Variants in MAN2A1 observed in about 807,000 individuals in gnomAD.
The protein encoded by MAN2A1 is alpha-mannosidase 2.
MAN2A1 carries 76 observed loss-of-function variants against 142.6 expected under a neutral mutation model. The observed-to-expected ratio is 0.53, with a 90% CI of 0.44 to 0.65. The LOEUF is 0.65. Ranked by LOEUF, MAN2A1 falls within the 30% of genes least tolerant of loss-of-function variation. MAN2A1 has a pLI of 0.00. For synonymous variants in MAN2A1, 559 were observed against 473.2 expected (o/e 1.18, Z -2.35); for missense variants, 1,311 against 1,365.1 (o/e 0.96, Z 0.62).
intron 1 of MAN2A1, among the ~76,000 whole-genome samples, chr5:109,691,121 C>T (rs1208034856): frequency 2.0e-5 from 3 of 152,008 alleles, no homozygotes; most frequent in African/African-American, 7.3e-5. Flanking sequence ...CGTCATTCTT[C>T]AGCTATTACA....
intron 21 of MAN2A1, 100 bp from the exon 22 acceptor site, chr5:109,866,746 T>C (rs1304245957): frequency 2.9e-6 from 2 of 690,190 alleles, no homozygotes; most frequent in Non-Finnish European, 4.8e-6. Context: ...TTCAACATAC[T>C]GTTTTATTCC....
chr5:109,743,032 C>G (rs186892163), intron 4 of MAN2A1, among the ~76,000 whole-genome samples: 1 of 152,330 alleles, frequency 6.6e-6, no homozygotes, highest in East Asian at 1.9e-4. Flanking sequence ...TGGATACTTT[C>G]TCAAGCCTCA....
intron 16 of MAN2A1, among the ~76,000 whole-genome samples, chr5:109,825,994 C>T (rs1754749113): frequency 6.7e-6 from 1 of 148,976 alleles, no homozygotes; most frequent in African/African-American, 2.5e-5. Context: ...GCAGCCTCTG[C>T]CCCACTGGTT....
At chr5:109,806,210 G>C (rs1174673284) in intron 12 of MAN2A1, among the ~76,000 whole-genome samples, 1 of 152,132 alleles carries the variant, frequency 6.6e-6, no homozygotes, top group East Asian at 1.9e-4. Context: ...CACCCTGACT[G>C]CCTTACCCAC....
chr5:109,793,620 G>A (rs189666146), intron 12 of MAN2A1, among the ~76,000 whole-genome samples: 103 of 152,216 alleles, frequency 6.8e-4, no homozygotes, highest in African/African-American at 2.4e-3. Flanking sequence ...TACAAATAAA[G>A]ATAAACCATA....
In MAN2A1 at chr5:109,716,219, G is replaced by C. The variant is rs754241341; in HGVS notation, c.490G>C (p.Glu164Gln). The change falls in exon 3 of 22, where the codon GAA becomes CAA. Residue 164 changes from glutamate to glutamine, a missense_variant. Transcript: ENST00000261483. ...TTATGAATCTAATGAATGGGACACT[G>C]AACCCCTTCAAGTCTTTGTGGTGCC... ...ITYESNEWDT[E>Q]PLQVFVVPHS... 1.2e-6 allele frequency: 2 copies of C among 1,610,860 alleles called. No individual in the cohort carries two copies. Among genetic ancestry groups the C allele is most frequent in the East Asian group, 4.5e-5 (2 of 44,764 alleles).
chr5:109,781,550 C>G lies in MAN2A1; in HGVS notation c.1529C>G (p.Ser510Cys). The G allele has an allele frequency of 6.2e-7, 1 of 1,611,682 alleles. No homozygotes were observed. The highest frequency in any genetic ancestry group is 1.1e-5 in the South Asian group (1 of 90,366). ...DDHYWSGYFT[S>C]RPFYKRMDRI... ...CATTACTGGAGTGGCTATTTTACAT[C>G]CAGACCCTTTTACAAACGAATGGAC... The change falls in exon 9 of 22, where the codon TCC becomes TGC. Residue 510 changes from serine to cysteine, a missense_variant. Ser to Cys is a moderately radical substitution (Grantham distance 112). Transcript: ENST00000261483.
chr5:109,842,675 GATTT>G (rs1016542696), intron 17 of MAN2A1, among the ~76,000 whole-genome samples: 1 of 127,356 alleles, frequency 7.9e-6, no homozygotes, highest in Admixed American at 7.7e-5. Flanking sequence ...TTTTTGTAAG[GATTT>G]ATTTGTTCAA....
chr5:109,696,375 A>G (rs1750812788), intron 1 of MAN2A1, among the ~76,000 whole-genome samples: 2 of 152,252 alleles, frequency 1.3e-5, no homozygotes, highest in Admixed American at 1.3e-4. Flanking sequence ...TTGGGATTAC[A>G]GGCGTGAGCC....
Position 109,820,334 on chromosome 5 carries a change from A to T in MAN2A1, c.2443A>T (p.Asn815Tyr). 1 of 1,612,694 alleles carries T rather than the reference A, an allele frequency of 6.2e-7. No individual in the cohort carries two copies. Among genetic ancestry groups the T allele is most frequent in the Non-Finnish European group, 8.5e-7 (1 of 1,179,356 alleles). The stretch of plus-strand genomic sequence containing the variant: ...TGCCTACCTCTTCTTACCTGATGGT[A>T]ATGCCAAGGTAAGTGGTACTGATGA... ...SGAYLFLPDG[N>Y]AKPYVYTTPP... The change falls in exon 15 of 22, where the codon AAT (asparagine) becomes TAT (tyrosine). Residue 815 changes from asparagine to tyrosine, a missense_variant. Asn to Tyr is a moderately radical substitution (Grantham distance 143). This residue lies in a region of MAN2A1 where 890 missense variants were observed against 920.5 expected (regional missense o/e 0.97). Transcript: ENST00000261483.
intron 20 of MAN2A1, chr5:109,863,486 C>CAGAG (rs1755805750): frequency 7.9e-5 from 12 of 152,346 alleles, no homozygotes; most frequent in Admixed American, 7.2e-4. Context: ...CTCTGAACCA[C>CAGAG]TCTTACTACA....
At chr5:109,736,913 A>G (rs1019584823) in intron 4 of MAN2A1, among the ~76,000 whole-genome samples, 3 of 152,054 alleles carry the variant, frequency 2.0e-5, no homozygotes, top group African/African-American at 7.2e-5. Flanking sequence ...ATGTTTTTAT[A>G]TGCTATTTTC....
chr5:109,723,873 T>C (rs1227090369), intron 3 of MAN2A1, among the ~76,000 whole-genome samples: 2 of 152,236 alleles, frequency 1.3e-5, no homozygotes, highest in Non-Finnish European at 2.9e-5. Context: ...TCTTCTTTTC[T>C]TTTGGTAAGA....
chr5:109,845,734 A>G lies in MAN2A1; in HGVS notation c.2701-131A>G. On this transcript the variant is annotated intron_variant, in intron 17 of 21. Transcript: ENST00000261483. ...TTTTAAATAATGTTTTAATTTTTAA[A>G]TTATTTCTTCCACTGAATAAAAAGG... The G allele has an allele frequency of 5.1e-6, 3 of 593,646 alleles. No individual in the cohort carries two copies. In the South Asian group the frequency reaches 1.1e-4, roughly 21 times the overall value. 36.8% of individuals were successfully genotyped at this position (593,646 alleles called of 1,614,324 possible). A position where few individuals can be genotyped will look rare whatever the true frequency, so the allele number is the denominator to read the frequency against.
intron 20 of MAN2A1, among the ~76,000 whole-genome samples, chr5:109,860,937 A>G (rs1409467603): frequency 6.6e-6 from 1 of 152,180 alleles, no homozygotes; most frequent in Non-Finnish European, 1.5e-5. Context: ...CCTTTAGTTT[A>G]CAGTATTTTG....
chr5:109,779,634 G>A (rs1337132773), intron 8 of MAN2A1, among the ~76,000 whole-genome samples: 1 of 151,832 alleles, frequency 6.6e-6, no homozygotes, highest in Non-Finnish European at 1.5e-5. Flanking sequence ...AATACTCTTA[G>A]TGTTAGCTAA....
At chr5:109,723,574 A>G (rs560928837) in intron 3 of MAN2A1, among the ~76,000 whole-genome samples, 3 of 152,132 alleles carry the variant, frequency 2.0e-5, no homozygotes, top group Admixed American at 6.6e-5. Context: ...CTCTGCTTCT[A>G]CTTTGCCTTT....
chr5:109,774,897 G>C lies in MAN2A1; in HGVS notation c.1306G>C (p.Asp436His). 1 of 1,610,868 alleles carries C rather than the reference G, an allele frequency of 6.2e-7. No individual in the cohort carries two copies. The highest frequency in any genetic ancestry group is 2.2e-5 in the East Asian group (1 of 44,726). ...CCGCTACTGTGAATACACGGAATGG[G>C]ATTTACAGTTTAAGAATTATCAGCA... is the stretch of plus-strand genomic sequence containing the variant. Reference protein sequence around the residue: ...DFRYCEYTEWDLQFKNYQQLF... With the variant: ...DFRYCEYTEWHLQFKNYQQLF... The change falls in exon 8 of 22, where the codon GAT becomes CAT. Residue 436 changes from aspartate (D) to histidine (H), a missense_variant. By Grantham distance (81) the Asp-to-His change is moderately conservative (BLOSUM62 -1). Coordinates refer to ENST00000261483, the MANE Select transcript of MAN2A1 (RefSeq NM_002372.4).
intron 19 of MAN2A1, among the ~76,000 whole-genome samples, chr5:109,852,938 T>G (rs866169492): frequency 1.1e-4 from 16 of 152,276 alleles, no homozygotes; most frequent in African/African-American, 3.9e-4. Context: ...TGGGTGAGAC[T>G]TTGCCACTCC....
Sources: allele counts gnomAD v4.1 joint callset (sites outside exome capture counted in the v4.1 genomes callset), GRCh38; gene constraint gnomAD v4.1.1; regional missense constraint gnomAD v4.1.1; transcripts MANE v1.5; gene names NCBI Gene and HGNC (gene_info 2026-07-23, HGNC 2026-07-21).